The following RANBP17 variants were observed in gnomAD, a reference collection of about 807,000 sequenced individuals.
The protein encoded by RANBP17 is RAN binding protein 17, also known as ran-binding protein 17.
Under a neutral mutation model 141.2 loss-of-function variants are expected in RANBP17, and 158 were observed. That is an observed-to-expected ratio of 1.12 (90% CI 0.98 to 1.28). RANBP17 has a LOEUF of 1.28. Among genes scored for constraint, RANBP17 ranks in the 50% most tolerant of loss-of-function variants. The pLI, the probability that RANBP17 is intolerant of heterozygous loss-of-function variation, is 0.00. For missense variants in RANBP17, 1,438 were observed against 1,290.7 expected, an observed-to-expected ratio of 1.11 and a Z score of -1.75; for synonymous variants, 430 against 450.0, an observed-to-expected ratio of 0.96 and a Z score of 0.56.
intron 14 of RANBP17, among the ~76,000 whole-genome samples, chr5:171,167,007 T>G (rs1247898834): frequency 6.6e-6 from 1 of 152,200 alleles, no homozygotes; most frequent in Non-Finnish European, 1.5e-5. Flanking sequence ...CAGTTCTAGA[T>G]GGGATAATGG....
At chr5:171,141,115 G>A (rs1037992064) in intron 14 of RANBP17, among the ~76,000 whole-genome samples, 1 of 151,984 alleles carries the variant, frequency 6.6e-6, no homozygotes, top group Non-Finnish European at 1.5e-5. Context: ...CCCTAAAAAT[G>A]TTTCTTTTTT....
At chr5:171,149,240 T>A (rs1363802269) in intron 14 of RANBP17, among the ~76,000 whole-genome samples, 2 of 152,250 alleles carry the variant, frequency 1.3e-5, no homozygotes, top group East Asian at 1.9e-4. Context: ...TCTTTTTTAC[T>A]GTTCCATTTT....
chr5:171,085,235 CTTGT>C (rs1785561681), intron 14 of RANBP17, among the ~76,000 whole-genome samples: 1 of 143,148 alleles, frequency 7.0e-6, no homozygotes, highest in Non-Finnish European at 1.5e-5. Context: ...TTCCCCATTT[CTTGT>C]TTTTCTCAGG....
chr5:171,205,401 T>G (rs1581019731), intron 19 of RANBP17, 123 bp from the exon 20 acceptor site: 1 of 724,100 alleles, frequency 1.4e-6, no homozygotes, highest in East Asian at 2.6e-5. Flanking sequence ...TAGAAAGAGG[T>G]CTGAACGAGA....
intron 9 of RANBP17, among the ~76,000 whole-genome samples, chr5:170,918,499 C>A (rs1267227704): frequency 1.3e-5 from 2 of 151,808 alleles, no homozygotes; most frequent in Non-Finnish European, 2.9e-5. Context: ...TCTTCCAAGG[C>A]CTCTACTTTG....
chr5:171,279,555 C>T (rs904620814), intron 25 of RANBP17, among the ~76,000 whole-genome samples: 9 of 152,286 alleles, frequency 5.9e-5, no homozygotes, highest in South Asian at 2.1e-4. Flanking sequence ...CACCTCTTAA[C>T]GCTGTTGCAT....
chr5:170,903,522 G>A, intron 5 of RANBP17: 1 of 207,168 alleles, frequency 4.8e-6, no homozygotes. Flanking sequence ...CGTTCCAGGT[G>A]CCACTCGGCA....
chr5:170,922,230 T>G (rs1772524357), intron 11 of RANBP17, among the ~76,000 whole-genome samples: 1 of 152,092 alleles, frequency 6.6e-6, no homozygotes, highest in Non-Finnish European at 1.5e-5. Context: ...CCTGCCTGTT[T>G]GAGGTGTCTG....
intron 14 of RANBP17, among the ~76,000 whole-genome samples, chr5:171,039,919 T>G (rs2127633006): frequency 6.6e-6 from 1 of 152,240 alleles, no homozygotes; most frequent in South Asian, 2.1e-4. Flanking sequence ...ATCAGATGGA[T>G]TCACAGCCAA....
intron 12 of RANBP17, among the ~76,000 whole-genome samples, chr5:170,948,955 A>G (rs552879757): frequency 6.6e-6 from 1 of 152,152 alleles, no homozygotes; most frequent in South Asian, 2.1e-4. Flanking sequence ...ATGTTCAGGA[A>G]CAGCCTGGTC....
chr5:171,047,690 A>G lies in RANBP17; in HGVS notation c.1710+79313A>G, dbSNP rs576398433. Among the ~76,000 whole-genome samples, 370 of 152,222 alleles carry G rather than the reference A, an allele frequency of 2.4e-3. 1 individual carries two copies. The highest frequency in any genetic ancestry group is 3.5e-3 in the Non-Finnish European group (235 of 68,018). Reference sequence around the variant, plus strand: ...CCTGACCTCATGATCCGCCTGCCTCAGCCTCCCAAGTCTTACCCATTTTTT... The same window carrying G: ...CCTGACCTCATGATCCGCCTGCCTCGGCCTCCCAAGTCTTACCCATTTTTT... On this transcript the variant is annotated intron_variant, in intron 14 of 27. Transcript: ENST00000523189.
intron 22 of RANBP17, among the ~76,000 whole-genome samples, chr5:171,238,836 AG>A (rs1386417646): frequency 2.6e-5 from 4 of 152,188 alleles, no homozygotes; most frequent in Non-Finnish European, 5.9e-5. Flanking sequence ...CTTCAAACTT[AG>A]CCTGTTCTGT....
rs767553459 is a variant in RANBP17, at chr5:171,298,878, T to C, written c.*20T>C. 8 of 1,597,066 alleles carry C rather than the reference T, an allele frequency of 5.0e-6. No homozygotes were observed. Among genetic ancestry groups the C allele is most frequent in the Middle Eastern group, 1.7e-4 (1 of 6,036 alleles). ...AGCTGACCCGACTTTTCTGACCATG[T>C]GCGGAGCAGCCTTTATCAAGAGACT... On this transcript the variant is annotated 3_prime_UTR_variant, in exon 28 of 28. Transcript: ENST00000523189.
At chr5:171,046,073 T>C (rs1360310655) in intron 14 of RANBP17, among the ~76,000 whole-genome samples, 2 of 152,178 alleles carry the variant, frequency 1.3e-5, no homozygotes, top group East Asian at 1.9e-4. Flanking sequence ...TCCCAAATTA[T>C]AGCAACACTA....
At chr5:170,960,645 T>C (rs141371470) in intron 13 of RANBP17, among the ~76,000 whole-genome samples, 1 of 152,332 alleles carries the variant, frequency 6.6e-6, no homozygotes, top group African/African-American at 2.4e-5. Context: ...CCTGGATTAG[T>C]AGTAAGTTTT....
At chr5:170,992,800 G>A (rs537419408) in intron 14 of RANBP17, among the ~76,000 whole-genome samples, 30 of 152,076 alleles carry the variant, frequency 2.0e-4, no homozygotes, top group South Asian at 1.2e-3. Flanking sequence ...GGTTAGAAAT[G>A]TTGAATTAGA....
At chr5:170,884,442 A>G (rs1768977149) in intron 3 of RANBP17, among the ~76,000 whole-genome samples, 1 of 152,198 alleles carries the variant, frequency 6.6e-6, no homozygotes, top group African/African-American at 2.4e-5. Flanking sequence ...GCTAGAGAAA[A>G]GAATATTATT....
At chr5:170,989,585 T>A (rs931053374) in intron 14 of RANBP17, among the ~76,000 whole-genome samples, 6 of 151,838 alleles carry the variant, frequency 4.0e-5, no homozygotes, top group Non-Finnish European at 8.8e-5. Context: ...GTAGGATAAG[T>A]GTAAGAAGAT....
At chr5:170,896,390 C>A (rs1278114141) in intron 5 of RANBP17, among the ~76,000 whole-genome samples, 2 of 152,162 alleles carry the variant, frequency 1.3e-5, no homozygotes, top group East Asian at 1.9e-4. Flanking sequence ...GAGAATTGTT[C>A]TTTTACCTCA....
Sources: gnomAD v4.1 joint callset for allele counts (sites outside exome capture counted in the v4.1 genomes callset) on GRCh38, gnomAD v4.1.1 for gene constraint, MANE v1.5 for transcripts, NCBI Gene and HGNC (gene_info 2026-07-23, HGNC 2026-07-21) for gene names.